The following VPS13B variants were observed in gnomAD, a reference collection of about 807,000 sequenced individuals.
VPS13B encodes intermembrane lipid transfer protein VPS13B.
Under a neutral mutation model 426.4 loss-of-function variants are expected in VPS13B, and 285 were observed. The ratio of observed to expected loss-of-function variants is 0.67; its 90% CI spans 0.61 to 0.74. The LOEUF (loss-of-function observed/expected upper bound fraction) is 0.74, where lower values mean the gene tolerates loss of function less well. VPS13B is among the 30% of genes least tolerant of loss of function. The pLI, the probability that VPS13B is intolerant of heterozygous loss-of-function variation, is 0.00. For missense variants in VPS13B, 4,537 were observed against 4,782.6 expected (o/e 0.95, Z 1.51); for synonymous variants, 1,676 against 1,676.4 (o/e 1.00, Z 0.01).
intron 33 of VPS13B, among the ~76,000 whole-genome samples, chr8:99,597,989 A>G (rs1827100997): frequency 6.6e-6 from 1 of 152,078 alleles, no homozygotes; most frequent in Non-Finnish European, 1.5e-5. Flanking sequence ...AAGTAGAAAA[A>G]ATAAGATGTA....
chr8:99,028,320 G>A (rs1329411385), intron 2 of VPS13B, among the ~76,000 whole-genome samples: 3 of 151,218 alleles, frequency 2.0e-5, no homozygotes, highest in Admixed American at 6.6e-5. Flanking sequence ...CTCCCGGACG[G>A]GGCGGCTGGC....
chr8:99,516,069 CTG>C (rs745548600), intron 29 of VPS13B, among the ~76,000 whole-genome samples: 2 of 152,148 alleles, frequency 1.3e-5, no homozygotes, highest in African/African-American at 4.8e-5. Flanking sequence ...AATAGCCAGA[CTG>C]TGTGCCTAAG....
At chr8:99,105,622 G>A (rs2132463415) in intron 5 of VPS13B, among the ~76,000 whole-genome samples, 1 of 152,224 alleles carries the variant, frequency 6.6e-6, no homozygotes. Context: ...CAAGTGATCT[G>A]CCTGCCTCAG....
intron 25 of VPS13B, among the ~76,000 whole-genome samples, chr8:99,495,781 T>C (rs941274681): frequency 6.6e-6 from 1 of 152,208 alleles, no homozygotes; most frequent in Non-Finnish European, 1.5e-5. Flanking sequence ...GAGATAGATA[T>C]TGCTTTTTTA....
intron 33 of VPS13B, among the ~76,000 whole-genome samples, chr8:99,625,728 C>T (rs1048597487): frequency 1.3e-5 from 2 of 152,092 alleles, no homozygotes; most frequent in Non-Finnish European, 2.9e-5. Context: ...CGCCTATAGT[C>T]GCAGCTACCT....
intron 33 of VPS13B, among the ~76,000 whole-genome samples, chr8:99,635,042 C>A (rs552688323): frequency 6.6e-6 from 1 of 152,002 alleles, no homozygotes; most frequent in East Asian, 1.9e-4. Context: ...CCAACCACCC[C>A]ACCCTACCTC....
intron 39 of VPS13B, among the ~76,000 whole-genome samples, chr8:99,722,245 A>T (rs549376790): frequency 6.6e-6 from 1 of 152,082 alleles, no homozygotes; most frequent in South Asian, 2.1e-4. Flanking sequence ...CACTACAACT[A>T]CTTCATTCTG....
intron 39 of VPS13B, among the ~76,000 whole-genome samples, chr8:99,766,066 CTTTTTTTTTTTT>C (rs71274933): frequency 2.7e-4 from 14 of 52,342 alleles, no homozygotes; most frequent in Admixed American, 7.9e-4. Context: ...ACCTTCATTA[CTTTTTTTTTTTT>C]TTTTTTTTTT....
At chr8:99,447,168 G>C (rs1319161092) in intron 23 of VPS13B, among the ~76,000 whole-genome samples, 3 of 152,136 alleles carry the variant, frequency 2.0e-5, no homozygotes, top group Non-Finnish European at 2.9e-5. Context: ...AGCCTGGCCT[G>C]AAAGATTCCT....
chr8:99,529,242 C>T (rs895464899), intron 30 of VPS13B, among the ~76,000 whole-genome samples: 2 of 152,104 alleles, frequency 1.3e-5, no homozygotes, highest in African/African-American at 4.8e-5. Flanking sequence ...TCAAAACTCA[C>T]AGACCGTTTG....
intron 8 of VPS13B, among the ~76,000 whole-genome samples, chr8:99,122,348 T>C (rs1403022565): frequency 6.6e-6 from 1 of 151,930 alleles, no homozygotes; most frequent in Admixed American, 6.6e-5. Context: ...TATACAAAAA[T>C]ATATATGATA....
chr8:99,130,312 T>A (rs561202598), intron 8 of VPS13B, among the ~76,000 whole-genome samples: 5 of 152,116 alleles, frequency 3.3e-5, no homozygotes, highest in African/African-American at 1.2e-4. Flanking sequence ...TTGATATCAG[T>A]CCAGCAAAAA....
intron 25 of VPS13B, among the ~76,000 whole-genome samples, chr8:99,482,492 T>C (rs1219081023): frequency 6.6e-6 from 1 of 152,180 alleles, no homozygotes; most frequent in African/African-American, 2.4e-5. Context: ...TGCCTGGGCA[T>C]GACTACATTA....
intron 23 of VPS13B, among the ~76,000 whole-genome samples, 160 bp downstream of exon 23, chr8:99,442,795 T>C (rs1015775262): frequency 6.6e-6 from 1 of 152,160 alleles, no homozygotes; most frequent in African/African-American, 2.4e-5. Context: ...TTTATTGCCT[T>C]CCATACCTTT....
intron 17 of VPS13B, among the ~76,000 whole-genome samples, chr8:99,263,982 A>C (rs1818177724): frequency 6.6e-6 from 1 of 152,136 alleles, no homozygotes. Context: ...TATTATAAAC[A>C]TGTATGTATG....
At chr8:99,318,318 G>T (rs1029985582) in intron 19 of VPS13B, among the ~76,000 whole-genome samples, 1 of 151,974 alleles carries the variant, frequency 6.6e-6, no homozygotes, top group Non-Finnish European at 1.5e-5. Flanking sequence ...TGGGTAATAT[G>T]GTATGTAAAA....
chr8:99,504,199 T>G (rs1821381012), intron 27 of VPS13B, among the ~76,000 whole-genome samples: 1 of 152,168 alleles, frequency 6.6e-6, no homozygotes, highest in South Asian at 2.1e-4. Context: ...TTGCTTACTC[T>G]CTTACCATGT....
intron 17 of VPS13B, among the ~76,000 whole-genome samples, chr8:99,262,478 T>C (rs944638511): frequency 1.3e-5 from 2 of 152,188 alleles, no homozygotes; most frequent in African/African-American, 4.8e-5. Context: ...ACCTGTCTTA[T>C]TAGTATTTCC....
At chr8:99,428,845 G>A (rs7387700) in intron 21 of VPS13B, among the ~76,000 whole-genome samples, 9,556 of 152,092 alleles carry the variant, frequency 0.063, 404 homozygotes, top group African/African-American at 0.12. Context: ...GTTTATTGCG[G>A]CACTATTCAC....
Sources: allele counts gnomAD v4.1 joint callset (sites outside exome capture counted in the v4.1 genomes callset), GRCh38; gene constraint gnomAD v4.1.1; transcripts MANE v1.5; gene names NCBI Gene and HGNC (gene_info 2026-07-23, HGNC 2026-07-21).